MMRN1: variants seen among roughly 807,000 people sequenced by gnomAD.
MMRN1 encodes multimerin-1.
A neutral mutation model predicts 100.7 loss-of-function variants in MMRN1; 94 were observed. That is an observed-to-expected ratio of 0.93 (90% confidence interval 0.79 to 1.11). MMRN1 has a LOEUF of 1.11. Ranked by LOEUF, MMRN1 falls within the 50% of genes least tolerant of loss-of-function variation. The probability of loss-of-function intolerance (pLI) is 0.00; values close to 1 mark genes in which losing one functional copy is unlikely to be tolerated. For missense variants in MMRN1, 1,606 were observed against 1,439.1 expected, an observed-to-expected ratio of 1.12 and a Z score of -1.88; for synonymous variants, 575 against 505.0, an observed-to-expected ratio of 1.14 and a Z score of -1.86.
intron 4 of MMRN1, among the ~76,000 whole-genome samples, chr4:89,925,994 A>C (rs1325888546): frequency 2.0e-5 from 3 of 152,106 alleles, no homozygotes. Context: ...TCCATTGTGT[A>C]TATATACCAC....
chr4:89,908,050 C>T (rs1721626365), intron 1 of MMRN1, among the ~76,000 whole-genome samples: 1 of 151,314 alleles, frequency 6.6e-6, no homozygotes, highest in Admixed American at 6.6e-5. Context: ...CTGGCCCCCT[C>T]ATTTTATTAA....
chr4:89,883,457 T>C (rs1000493337), intron 1 of MMRN1, among the ~76,000 whole-genome samples: 1 of 152,088 alleles, frequency 6.6e-6, no homozygotes, highest in East Asian at 1.9e-4. Context: ...GGTATCTCAG[T>C]GTAGTTTTAG....
At chr4:89,911,605 A>G (rs1346700517) in intron 2 of MMRN1, among the ~76,000 whole-genome samples, 1 of 151,438 alleles carries the variant, frequency 6.6e-6, no homozygotes, top group Non-Finnish European at 1.5e-5. Context: ...AGAATAAATT[A>G]TCTCCATATA....
intron 1 of MMRN1, among the ~76,000 whole-genome samples, chr4:89,888,030 TATTC>T (rs1342019479): frequency 2.0e-5 from 3 of 152,064 alleles, no homozygotes; most frequent in African/African-American, 7.2e-5. Context: ...TTTGTTCACA[TATTC>T]ATCTTTTTTG....
chr4:89,912,639 ATTTTGCT>A, intron 3 of MMRN1, among the ~76,000 whole-genome samples: 1 of 150,490 alleles, frequency 6.6e-6, no homozygotes, highest in Non-Finnish European at 1.5e-5. Context: ...TGTGACTATT[ATTTTGCT>A]TTTGGCTTTA....
chr4:89,919,628 T>A (rs182550931), intron 3 of MMRN1, among the ~76,000 whole-genome samples: 1 of 152,024 alleles, frequency 6.6e-6, no homozygotes, highest in East Asian at 1.9e-4. Context: ...TTAAAAGATG[T>A]TCCAGACTAA....
At chr4:89,904,525 G>C (rs1407501761) in intron 1 of MMRN1, among the ~76,000 whole-genome samples, 4 of 151,784 alleles carry the variant, frequency 2.6e-5, no homozygotes, top group African/African-American at 9.6e-5. Flanking sequence ...TCATATAAGT[G>C]AAACTGTACA....
Position 89,894,967 on chromosome 4 carries a change from C to T in MMRN1, c.-5C>T, listed in dbSNP as rs759588487. ...ACATGAGCTACCTTGCTTCAAACTA[C>T]TGAGATGAAGGGGGCAAGATTATTT... is the stretch of plus-strand genomic sequence containing the variant. On this transcript the variant is annotated 5_prime_UTR_variant, in exon 1 of 8. Coordinates refer to ENST00000264790, the MANE Select transcript of MMRN1 (RefSeq NM_007351.3). 1 of 1,602,122 alleles carries T rather than the reference C, an allele frequency of 6.2e-7. No individual in the cohort carries two copies. Among genetic ancestry groups the T allele is most frequent in the Non-Finnish European group, 8.5e-7 (1 of 1,173,712 alleles).
intron 1 of MMRN1, among the ~76,000 whole-genome samples, chr4:89,882,717 T>C (rs1241641098): frequency 6.6e-6 from 1 of 151,992 alleles, no homozygotes; most frequent in East Asian, 1.9e-4. Context: ...AAACATTCTT[T>C]ATTACATTTT....
At chr4:89,887,860 T>C (rs1720971090) in intron 1 of MMRN1, among the ~76,000 whole-genome samples, 1 of 151,948 alleles carries the variant, frequency 6.6e-6, no homozygotes, top group South Asian at 2.1e-4. Flanking sequence ...ATTATTGCTG[T>C]GATTTTTATC....
At position 89,954,262 on chromosome 4, in the gene MMRN1, G is replaced by A. The variant is rs1230577425; in HGVS notation, c.*844G>A. The stretch of plus-strand genomic sequence containing the variant: ...CTCTTCTAAACAATTTACATGTAAT[G>A]TCTCATTCCTCACAATAACCCTTGT... On this transcript the variant is annotated 3_prime_UTR_variant, in exon 8 of 8. Coordinates refer to ENST00000264790, the MANE Select transcript of MMRN1 (RefSeq NM_007351.3). 1 of 152,028 alleles carries A rather than the reference G, an allele frequency of 6.6e-6. No individual in the cohort carries two copies. The highest frequency in any genetic ancestry group is 1.5e-5 in the Non-Finnish European group (1 of 68,020). The allele number at this position is 152,028 out of a possible 1,614,324, so 9.4% of individuals were successfully genotyped here.
chr4:89,936,898 A>G (rs1722663842), intron 6 of MMRN1, 100 bp downstream of exon 6: 6 of 1,084,466 alleles, frequency 5.5e-6, no homozygotes, highest in East Asian at 2.6e-5. Flanking sequence ...ATAAAACTAC[A>G]TACTTGAACT....
chr4:89,883,756 G>A (rs1275687829), intron 1 of MMRN1, among the ~76,000 whole-genome samples: 1 of 152,002 alleles, frequency 6.6e-6, no homozygotes, highest in Non-Finnish European at 1.5e-5. Context: ...AGGAGATGCA[G>A]TGTTTCAACT....
At chr4:89,885,972 C>A (rs1329415265) in intron 1 of MMRN1, among the ~76,000 whole-genome samples, 2 of 151,784 alleles carry the variant, frequency 1.3e-5, no homozygotes, top group African/African-American at 4.8e-5. Context: ...AAAATGGAAG[C>A]ATACCTCAAT....
chr4:89,902,717 A>G (rs1721431796), intron 1 of MMRN1, among the ~76,000 whole-genome samples: 1 of 152,166 alleles, frequency 6.6e-6, no homozygotes, highest in Non-Finnish European at 1.5e-5. Flanking sequence ...TTTTAATTGC[A>G]AAAGTTGGTA....
At chr4:89,922,347 C>A (rs1425649290) in intron 3 of MMRN1, among the ~76,000 whole-genome samples, 1 of 152,028 alleles carries the variant, frequency 6.6e-6, no homozygotes, top group Non-Finnish European at 1.5e-5. Context: ...CTCAAGTGAT[C>A]CACCTGCCTC....
chr4:89,931,307 T>G (rs545968768), intron 5 of MMRN1, among the ~76,000 whole-genome samples: 2 of 152,162 alleles, frequency 1.3e-5, no homozygotes, highest in South Asian at 2.1e-4. Flanking sequence ...TAATAATCAC[T>G]CTTTCACATA....
intron 6 of MMRN1, among the ~76,000 whole-genome samples, chr4:89,938,228 C>T (rs547924589): frequency 2.0e-4 from 31 of 151,630 alleles, no homozygotes; most frequent in Non-Finnish European, 4.4e-4. Flanking sequence ...CCAGAGTAAT[C>T]TGACCTAATA....
Position 89,932,420 on chromosome 4 carries a change from G to T in MMRN1, c.1130-2390G>T, listed in dbSNP as rs1722470135. Among the ~76,000 whole-genome samples, 4 of 152,156 alleles carry T rather than the reference G, an allele frequency of 2.6e-5. 1 individual carries two copies. The South Asian group carries it at 8.3e-4, about 32-fold the overall frequency. ...CCATTCTGGGGTCTGCAGGAGAGTA[G>T]CCCTCTTCTCACAGCTCCACTAGGC... On this transcript the variant is annotated intron_variant, in intron 5 of 7. Transcript: ENST00000264790.
Sources: gnomAD v4.1 joint callset for allele counts (sites outside exome capture counted in the v4.1 genomes callset) on GRCh38, gnomAD v4.1.1 for gene constraint, MANE v1.5 for transcripts, NCBI Gene and HGNC (gene_info 2026-07-23, HGNC 2026-07-21) for gene names.